ABLIM2: variants seen among roughly 807,000 people sequenced by gnomAD.
ABLIM2 encodes actin binding LIM protein family member 2.
In ABLIM2, 53 loss-of-function variants were observed where a neutral mutation model predicts 97.7. The observed-to-expected ratio is 0.54, with a 90% confidence interval of 0.44 to 0.68. The LOEUF (loss-of-function observed/expected upper bound fraction) is 0.68, where lower values mean the gene tolerates loss of function less well. Among genes scored for constraint, ABLIM2 ranks in the 30% least tolerant of loss-of-function variants. The pLI, the probability that ABLIM2 is intolerant of heterozygous loss-of-function variation, is 0.00. For missense variants in ABLIM2, 835 were observed against 867.2 expected, an observed-to-expected ratio of 0.96 and a Z score of 0.47; for synonymous variants, 361 against 345.8, an observed-to-expected ratio of 1.04 and a Z score of -0.49.
At chr4:8,101,608 C>T (rs1834679627) in intron 2 of ABLIM2, among the ~76,000 whole-genome samples, 1 of 152,196 alleles carries the variant, frequency 6.6e-6, no homozygotes, top group African/African-American at 2.4e-5. Flanking sequence ...GGCTCTCCTC[C>T]CGGACACACG....
At position 8,067,988 on chromosome 4, in the gene ABLIM2, G is replaced by A. The variant is rs1490183250; in HGVS notation, c.676-6934C>T. On this transcript the variant is annotated intron_variant, in intron 6 of 20. Transcript: ENST00000447017. This position sits in a 1 kb window ranked among gnomAD's most constrained non-coding sequence, Gnocchi z 5.4. Reference sequence around the variant, plus strand: ...TGCTGAGAACCAGTGGGTCACAGGCGGCCATCGATGGGCTGATGGAGTCAA... The same window carrying A: ...TGCTGAGAACCAGTGGGTCACAGGCAGCCATCGATGGGCTGATGGAGTCAA... Among the ~76,000 whole-genome samples, 2 of 152,124 alleles carry A rather than the reference G, an allele frequency of 1.3e-5. No individual in the cohort carries two copies. Among genetic ancestry groups the A allele is most frequent in the African/African-American group, 2.4e-5 (1 of 41,408 alleles).
intron 6 of ABLIM2, among the ~76,000 whole-genome samples, chr4:8,063,869 A>T (rs958266482): frequency 6.6e-6 from 1 of 152,240 alleles, no homozygotes; most frequent in Non-Finnish European, 1.5e-5. Flanking sequence ...AAGCCTAGGC[A>T]TGCCTGGACT....
At position 8,127,710 on chromosome 4, in the gene ABLIM2, G is replaced by A; in HGVS notation, c.11-21073C>T. 3 of 1,237,426 alleles carry A rather than the reference G, an allele frequency of 2.4e-6. No individual in the cohort carries two copies. Among genetic ancestry groups the A allele is most frequent in the Non-Finnish European group, 3.1e-6 (3 of 958,164 alleles). 76.7% of individuals were successfully genotyped at this position (1,237,426 alleles called of 1,614,324 possible). On this transcript the variant is annotated intron_variant, in intron 1 of 20. Transcript: ENST00000447017. This position sits in a 1 kb window ranked among gnomAD's most constrained non-coding sequence, Gnocchi z 7.3. ...CCACAGGGCTCCCACAAGGTCACGT[G>A]GCAGCTGCCACCCTCTGCCCGGGGA...
chr4:7,984,912 T>A lies in ABLIM2; in HGVS notation c.1681-19A>T. The A allele has an allele frequency of 6.2e-7, 1 of 1,606,682 alleles. No individual in the cohort carries two copies. Among genetic ancestry groups the A allele is most frequent in the Non-Finnish European group, 8.5e-7 (1 of 1,177,016 alleles). ...TGGCATTCTGGAAGAGAAAGAGAGG[T>A]TGGGCGGCAAGAGACAGGCGGCACG... On this transcript the variant is annotated intron_variant, in intron 17 of 20. Transcript: ENST00000447017.
chr4:8,108,574 C>A (rs1012958472), intron 1 of ABLIM2, among the ~76,000 whole-genome samples: 4 of 152,260 alleles, frequency 2.6e-5, no homozygotes, highest in Non-Finnish European at 1.5e-5. Context: ...ACTTGACTCA[C>A]AACTGATAGC....
intron 1 of ABLIM2, among the ~76,000 whole-genome samples, chr4:8,135,207 A>G (rs900346572): frequency 6.6e-6 from 1 of 152,256 alleles, no homozygotes; most frequent in African/African-American, 2.4e-5. Context: ...ACGACACATG[A>G]TAACCAACTG....
intron 1 of ABLIM2, among the ~76,000 whole-genome samples, chr4:8,154,990 G>C (rs1017426346): frequency 8.3e-4 from 126 of 152,194 alleles, no homozygotes; most frequent in African/African-American, 2.9e-3. Context: ...GCTATCGCCA[G>C]CCTTAATCAC....
In ABLIM2 at chr4:8,011,349, T is replaced by A. The variant is rs545591635; in HGVS notation, c.1424-2247A>T. ...TTAACCAGACTTGTACCAACGGCTTTTTTAAAAACCAGTTTGCTAGCCCAC... is the reference window on the plus strand; with the variant it reads ...TTAACCAGACTTGTACCAACGGCTTATTTAAAAACCAGTTTGCTAGCCCAC... On this transcript the variant is annotated intron_variant, in intron 14 of 20. Transcript: ENST00000447017. 2.6e-5 allele frequency among the ~76,000 whole-genome samples: 4 copies of A among 152,358 alleles called. No individual in the cohort carries two copies. The South Asian group carries it at 8.3e-4, about 32-fold the overall frequency.
intron 1 of ABLIM2, among the ~76,000 whole-genome samples, chr4:8,152,754 T>C (rs552132323): frequency 1.3e-5 from 2 of 152,178 alleles, no homozygotes; most frequent in Non-Finnish European, 2.9e-5. Flanking sequence ...TGTTTTCCTA[T>C]TGCAACTATT....
chr4:8,092,764 C>T (rs1482557591), intron 3 of ABLIM2, among the ~76,000 whole-genome samples: 4 of 152,214 alleles, frequency 2.6e-5, no homozygotes, highest in Non-Finnish European at 5.9e-5. Context: ...CATCCTCAAC[C>T]TTGGCTAAAT....
chr4:8,065,081 C>A (rs939639649), intron 6 of ABLIM2, among the ~76,000 whole-genome samples: 4 of 152,038 alleles, frequency 2.6e-5, no homozygotes, highest in African/African-American at 9.7e-5. Context: ...GAGACATGGT[C>A]TCTACAAAAA....
In ABLIM2 at chr4:8,082,623, CATGCTACTTT is replaced by C. The variant is rs1341515449; in HGVS notation, c.455-1831_455-1822del. 2.6e-5 allele frequency among the ~76,000 whole-genome samples: 4 copies of C among 152,228 alleles called. No homozygotes were observed. The highest frequency in any genetic ancestry group is 5.9e-5 in the Non-Finnish European group (4 of 68,034). ...TAAGTGACCACACTGTGCACATTCA[CATGCTACTTT>C]GGAAAACAGCCAGAGAGCAGATTCA... is the stretch of plus-strand genomic sequence containing the variant. On this transcript the variant is annotated intron_variant, in intron 4 of 20. Transcript: ENST00000447017. This position sits in a 1 kb window ranked among gnomAD's most constrained non-coding sequence, Gnocchi z 5.6.
intron 9 of ABLIM2, among the ~76,000 whole-genome samples, chr4:8,041,777 G>A (rs958779585): frequency 1.3e-5 from 2 of 152,058 alleles, no homozygotes; most frequent in Non-Finnish European, 2.9e-5. Context: ...GGTGGCGGGT[G>A]CCTGTTGTCC....
intron 17 of ABLIM2, among the ~76,000 whole-genome samples, chr4:7,990,670 G>C (rs898564253): frequency 6.6e-6 from 1 of 152,084 alleles, no homozygotes; most frequent in Non-Finnish European, 1.5e-5. Context: ...AATGACTTAG[G>C]AGCACTGTAG....
chr4:8,154,213 C>T (rs56396774), intron 1 of ABLIM2, among the ~76,000 whole-genome samples: 22,834 of 150,210 alleles, frequency 0.15, 1,696 homozygotes, highest in African/African-American at 0.19. Flanking sequence ...CCACCCGCCT[C>T]GGCCTCCCAA....
intron 1 of ABLIM2, among the ~76,000 whole-genome samples, chr4:8,110,251 C>T (rs571311266): frequency 7.9e-5 from 12 of 152,314 alleles, no homozygotes; most frequent in Admixed American, 2.6e-4. Context: ...AATGCACAAG[C>T]GTCTCTTCAT....
Position 8,033,858 on chromosome 4 carries a change from C to G in ABLIM2, c.1047+2291G>C, listed in dbSNP as rs1260093431. 6.6e-6 allele frequency among the ~76,000 whole-genome samples: 1 copy of G among 152,224 alleles called. No individual in the cohort carries two copies. The highest frequency in any genetic ancestry group is 1.5e-5 in the Non-Finnish European group (1 of 68,034). ...TGTGTCCTGGTCATACCATGAGACC[C>G]TGGAGCAGGACAGGGAGAGATACCA... On this transcript the variant is annotated intron_variant, in intron 10 of 20. Transcript: ENST00000447017. This position sits in a 1 kb window ranked among gnomAD's most constrained non-coding sequence, Gnocchi z 4.5.
chr4:8,007,772 C>T, intron 16 of ABLIM2: 1 of 1,205,654 alleles, frequency 8.3e-7, no homozygotes, highest in Non-Finnish European at 1.0e-6. Context: ...CTAAACAGCC[C>T]AGGAGCAGGT....
rs773773243 is a variant in ABLIM2 at position 8,127,612 on chromosome 4, C to T, written c.11-20975G>A. On this transcript the variant is annotated intron_variant, in intron 1 of 20. Transcript: ENST00000447017. The surrounding 1 kb of genome is among the most constrained non-coding windows in gnomAD (Gnocchi z 7.3). ...GCAAAGGGCCAGCGGGTCGGCGGCT[C>T]TCCCTCTGCGTGGCTGGGCCTGGCA... is the stretch of plus-strand genomic sequence containing the variant. The T allele has an allele frequency of 1.8e-5, 23 of 1,289,608 alleles. No homozygotes were observed. The South Asian group carries it at 2.7e-4, about 15-fold the overall frequency. 79.9% of individuals were successfully genotyped at this position (1,289,608 alleles called of 1,614,324 possible).
Sources: gnomAD v4.1 joint callset for allele counts (sites outside exome capture counted in the v4.1 genomes callset) on GRCh38, gnomAD v4.1.1 for gene constraint, Gnocchi (gnomAD v3.1) non-coding constraint, MANE v1.5 for transcripts, NCBI Gene and HGNC (gene_info 2026-07-23, HGNC 2026-07-21) for gene names.